The following RNF32 variants were observed in gnomAD, a reference collection of about 807,000 sequenced individuals.
The protein encoded by RNF32 is ring finger protein 32.
In RNF32, 36 loss-of-function variants were observed where a neutral mutation model predicts 41.0. The ratio of observed to expected loss-of-function variants is 0.88; its 90% CI spans 0.67 to 1.16. The LOEUF is 1.16. Ranked by LOEUF, RNF32 falls within the 50% of genes most tolerant of loss-of-function variation. The pLI is 0.00. For synonymous variants in RNF32, 154 were observed against 160.9 expected, an observed-to-expected ratio of 0.96 and a Z score of 0.32; for missense variants, 413 against 436.7, an observed-to-expected ratio of 0.95 and a Z score of 0.48.
Position 156,654,680 on chromosome 7 carries a change from T to C in RNF32, c.379T>C (p.Cys127Arg). ...CCTGCAAGGGGACTCCGTGCAACCA[T>C]GCCCCATCTGTAAAGAAGAATTCGA... ...SLLQGDSVQP[C>R]PICKEEFELR... The change falls in exon 4 of 9, where the codon TGC (cysteine) becomes CGC (arginine). Residue 127 changes from cysteine to arginine, a missense_variant. Physicochemically the swap from Cys to Arg is radical, Grantham distance 180. Coordinates refer to ENST00000317955, the MANE Select transcript of RNF32 (RefSeq NM_030936.4). The C allele has an allele frequency of 6.2e-7, 1 of 1,614,162 alleles. No homozygotes were observed. The highest frequency in any genetic ancestry group is 1.1e-5 in the South Asian group (1 of 91,086).
chr7:156,667,246 A>C (rs978818870), intron 7 of RNF32, among the ~76,000 whole-genome samples: 1 of 152,244 alleles, frequency 6.6e-6, no homozygotes, highest in Non-Finnish European at 1.5e-5. Flanking sequence ...GCCATAAGTC[A>C]ACACATTAGT....
rs1042718407 is a variant in RNF32, at chr7:156,642,233, G to T, written c.-78+1422G>T. ...AAACCAGTTTCACCATAGGTTAATT[G>T]ATATAAATAAGAGGAAAGTTCCCAC... On this transcript the variant is annotated intron_variant, in intron 1 of 8. Transcript: ENST00000317955. 5.9e-5 allele frequency among the ~76,000 whole-genome samples: 9 copies of T among 152,276 alleles called. No individual in the cohort carries two copies. The East Asian group carries it at 1.7e-3, about 29-fold the overall frequency.
intron 7 of RNF32, among the ~76,000 whole-genome samples, chr7:156,666,008 C>A (rs1310034260): frequency 6.6e-6 from 1 of 152,166 alleles, no homozygotes; most frequent in Admixed American, 6.5e-5. Context: ...TCTTGGCTGG[C>A]AGATAGGTGA....
At chr7:156,646,412 TCTC>T (rs1465678570) in intron 3 of RNF32, 1 of 1,303,426 alleles carries the variant, frequency 7.7e-7, no homozygotes, top group Non-Finnish European at 1.0e-6. Flanking sequence ...AAAACCTTCT[TCTC>T]TAGGTGTGAT....
intron 3 of RNF32, among the ~76,000 whole-genome samples, chr7:156,653,049 A>ACAGTGGTGTACAGTCATG (rs1314239036): frequency 6.6e-5 from 10 of 152,088 alleles, no homozygotes; most frequent in African/African-American, 1.9e-4. Context: ...TATGATGTCT[A>ACAGTGGTGTACAGTCATG]CAGTGGTGTA....
intron 3 of RNF32, among the ~76,000 whole-genome samples, chr7:156,653,452 T>G (rs1799067135): frequency 6.6e-6 from 1 of 152,202 alleles, no homozygotes; most frequent in South Asian, 2.1e-4. Context: ...TATCTTAGCT[T>G]TCTCTTCCAG....
At chr7:156,657,840 G>A (rs562320027) in intron 5 of RNF32, 4 of 596,518 alleles carry the variant, frequency 6.7e-6, no homozygotes, top group African/African-American at 3.7e-5. Flanking sequence ...TCACATGATC[G>A]ATCTGCATGT....
At chr7:156,667,565 A>G (rs1268936031) in intron 7 of RNF32, among the ~76,000 whole-genome samples, 3 of 152,232 alleles carry the variant, frequency 2.0e-5, no homozygotes, top group Admixed American at 6.5e-5. Context: ...ACTAGAAGTC[A>G]GTTGTCATTT....
chr7:156,653,957 A>T (rs1361017133), intron 3 of RNF32, among the ~76,000 whole-genome samples: 1 of 152,222 alleles, frequency 6.6e-6, no homozygotes, highest in Non-Finnish European at 1.5e-5. Context: ...GTGAACAATG[A>T]GTATTCCTCA....
At chr7:156,654,931 T>C (rs988552015) in intron 4 of RNF32, 2 of 460,276 alleles carry the variant, frequency 4.3e-6, no homozygotes, top group Non-Finnish European at 7.8e-6. Flanking sequence ...ACTGGTATTC[T>C]CAAGTACTAA....
Position 156,676,716 on chromosome 7 carries a change from A to C in RNF32, c.*61A>C. 8.0e-7 allele frequency: 1 copy of C among 1,254,984 alleles called. No homozygotes were observed. The highest frequency in any genetic ancestry group is 1.2e-6 in the Non-Finnish European group (1 of 865,766). The allele number at this position is 1,254,984 out of a possible 1,614,324, so 77.7% of individuals were successfully genotyped here. A position where few individuals can be genotyped will look rare whatever the true frequency, so the allele number is the denominator to read the frequency against. ...AAAAAGTTTACCATCATTTTGGATG[A>C]ACTGCATGAGTTCTGGGTTAAGTAC... On this transcript the variant is annotated 3_prime_UTR_variant, in exon 9 of 9. Transcript: ENST00000317955.
In RNF32 at chr7:156,658,263, C is replaced by T; in HGVS notation, c.575+11C>T. On this transcript the variant is annotated intron_variant, in intron 6 of 8. Coordinates refer to ENST00000317955, the MANE Select transcript of RNF32 (RefSeq NM_030936.4). ...CAAGTGTGTGACCAGGTGAGGACGC[C>T]AGGCCCGTTTGGCGCTAAGCAGACA... 6.2e-7 allele frequency: 1 copy of T among 1,612,714 alleles called. No individual in the cohort carries two copies. The highest frequency in any genetic ancestry group is 1.1e-5 in the South Asian group (1 of 90,794).
chr7:156,653,439 CTG>C (rs1035455704), intron 3 of RNF32, among the ~76,000 whole-genome samples: 1 of 152,202 alleles, frequency 6.6e-6, no homozygotes, highest in African/African-American at 2.4e-5. Context: ...CATCTCAGGA[CTG>C]TATCTTAGCT....
Position 156,658,455 on chromosome 7 carries a change from GT to G in RNF32, c.576-3del. The stretch of plus-strand genomic sequence containing the variant: ...AAATTAGTCATTTTCAAATATCTGT[GT>G]TTTAGAATCCAAGCCTACTGGAGAG... On this transcript the variant is annotated splice_region_variant and splice_polypyrimidine_tract_variant and intron_variant, in intron 6 of 8. Coordinates refer to ENST00000317955, the MANE Select transcript of RNF32 (RefSeq NM_030936.4). 1 of 1,605,350 alleles carries G rather than the reference GT, an allele frequency of 6.2e-7. No homozygotes were observed. Among genetic ancestry groups the G allele is most frequent in the Non-Finnish European group, 8.5e-7 (1 of 1,172,254 alleles).
Position 156,654,566 on chromosome 7 carries a change from C to G in RNF32, c.275-10C>G. ...CACTCTAACTCCTGTCCTGTGCTGT[C>G]TTACTTTAGCACAGAAGTTGGGCCT... On this transcript the variant is annotated splice_polypyrimidine_tract_variant and intron_variant, in intron 3 of 8. Transcript: ENST00000317955. 1.2e-6 allele frequency: 2 copies of G among 1,612,952 alleles called. No individual in the cohort carries two copies. The highest frequency in any genetic ancestry group is 1.7e-6 in the Non-Finnish European group (2 of 1,179,038).
intron 7 of RNF32, among the ~76,000 whole-genome samples, chr7:156,665,810 T>C (rs1563090447): frequency 6.6e-6 from 1 of 152,210 alleles, no homozygotes; most frequent in Non-Finnish European, 1.5e-5. Context: ...GCCAACTTTT[T>C]AAACTTACCT....
chr7:156,651,213 TTC>T (rs1798673671), intron 3 of RNF32, among the ~76,000 whole-genome samples: 1 of 144,734 alleles, frequency 6.9e-6, no homozygotes, highest in Admixed American at 6.8e-5. Flanking sequence ...TTTTTAATAT[TTC>T]TTTTTTTTTT....
intron 7 of RNF32, among the ~76,000 whole-genome samples, chr7:156,666,053 C>T (rs987357591): frequency 5.3e-5 from 8 of 152,052 alleles, no homozygotes; most frequent in Non-Finnish European, 1.5e-5. Flanking sequence ...CCATTGGTTT[C>T]GATCAAAGAT....
chr7:156,657,617 T>C (rs752076254), intron 5 of RNF32, 44 bp downstream of exon 5: 4 of 1,584,236 alleles, frequency 2.5e-6, no homozygotes, highest in Non-Finnish European at 3.5e-6. Flanking sequence ...CACATGTCGC[T>C]CTCACAGTGC....
Sources: allele counts gnomAD v4.1 joint callset (sites outside exome capture counted in the v4.1 genomes callset), GRCh38; gene constraint gnomAD v4.1.1; transcripts MANE v1.5; gene names NCBI Gene and HGNC (gene_info 2026-07-23, HGNC 2026-07-21).